CAMTA1: variants seen among roughly 807,000 people sequenced by gnomAD.
The protein encoded by CAMTA1 is calmodulin binding transcription activator 1.
CAMTA1 carries 27 observed loss-of-function variants against 170.9 expected under a neutral mutation model. That is an observed-to-expected ratio of 0.16 (90% CI 0.12 to 0.22). CAMTA1 has a LOEUF of 0.22. CAMTA1 is among the 10% of genes least tolerant of loss of function. The pLI is 1.00. For synonymous variants in CAMTA1, 833 were observed against 891.5 expected (o/e 0.93, Z 1.17); for missense variants, 1,619 against 2,217.2 (o/e 0.73, Z 5.42).
intron 7 of CAMTA1, among the ~76,000 whole-genome samples, chr1:7,658,518 GC>G (rs2095925573): frequency 6.6e-6 from 1 of 152,186 alleles, no homozygotes. Flanking sequence ...CACTGCCTGT[GC>G]AGCGGTACAG....
intron 3 of CAMTA1, among the ~76,000 whole-genome samples, chr1:7,016,648 A>G (rs1700576139): frequency 6.6e-6 from 1 of 152,336 alleles, no homozygotes; most frequent in East Asian, 1.9e-4. Context: ...AGCCTGGCTA[A>G]CATGGGGAAA....
intron 3 of CAMTA1, among the ~76,000 whole-genome samples, chr1:6,953,208 A>G (rs922580803): frequency 2.2e-4 from 33 of 152,144 alleles, no homozygotes; most frequent in African/African-American, 7.7e-4. Flanking sequence ...GGGATTCAGT[A>G]TAGATTCCAT....
intron 1 of CAMTA1, among the ~76,000 whole-genome samples, chr1:6,800,018 G>A (rs1643513773): frequency 6.6e-6 from 1 of 152,096 alleles, no homozygotes; most frequent in Admixed American, 6.5e-5. Flanking sequence ...CTGTATGGGG[G>A]GATTTGAACT....
In CAMTA1 at chr1:7,570,884, G is replaced by A. The variant is rs115886069; in HGVS notation, c.511-69516G>A. Among the ~76,000 whole-genome samples the A allele has an allele frequency of 5.8e-3, 885 of 152,334 alleles. 8 individuals carry two copies. The highest frequency in any genetic ancestry group is 0.02 in the African/African-American group (847 of 41,566). On this transcript the variant is annotated intron_variant, in intron 6 of 22. Coordinates refer to ENST00000303635, the MANE Select transcript of CAMTA1 (RefSeq NM_015215.4). The surrounding 1 kb of genome is among the most constrained non-coding windows in gnomAD (Gnocchi z 4.3). ...CTGGCCTCCCCCATGAACCAGCTGG[G>A]TGATGTCAGGAGGCTCCTTAACCAC...
In CAMTA1 at chr1:7,230,432, A is replaced by ACCCCCCCCCCCCCCCCCC. The variant is rs66934266; in HGVS notation, c.303-19047_303-19046insCCCCCCCCCCCCCCCCCC. On this transcript the variant is annotated intron_variant, in intron 4 of 22. Transcript: ENST00000303635. ...TTGGCTGGGCTGCTGCTCTGGGCTG[A>ACCCCCCCCCCCCCCCCCC]CCCCCCCCCCCCGCCCCGCAAAGCT... Among the ~76,000 whole-genome samples, 6 of 38,248 alleles carry ACCCCCCCCCCCCCCCCCC rather than the reference A, an allele frequency of 1.6e-4. 1 individual carries two copies. Among genetic ancestry groups the ACCCCCCCCCCCCCCCCCC allele is most frequent in the African/African-American group, 6.8e-4 (4 of 5,860 alleles). 25.1% of individuals were successfully genotyped at this position (38,248 alleles called of 152,430 possible).
rs182390265 is a variant in CAMTA1 at position 7,149,900 on chromosome 1, G to A, written c.302+58529G>A. Among the ~76,000 whole-genome samples the A allele has an allele frequency of 5.9e-5, 9 of 152,350 alleles. No individual in the cohort carries two copies. The East Asian group carries it at 1.7e-3, about 29-fold the overall frequency. ...AATAAAACTCCTGATAACGATTCACGAATCCTGGCAGCCCTGCCTTCCTTG... is the reference window on the plus strand; with the variant it reads ...AATAAAACTCCTGATAACGATTCACAAATCCTGGCAGCCCTGCCTTCCTTG... On this transcript the variant is annotated intron_variant, in intron 4 of 22. Transcript: ENST00000303635.
rs1248361332 is a variant in CAMTA1, at chr1:6,871,764, G to C, written c.234+46554G>C. ...AGCTCCTTTGTTTTGCAGAGATCAT[G>C]ATGCAGCCGTCCTTTTGGATTTCTT... On this transcript the variant is annotated intron_variant, in intron 3 of 22. Transcript: ENST00000303635. 5 of 1,534,888 alleles carry C rather than the reference G, an allele frequency of 3.3e-6. No homozygotes were observed. The East Asian group carries it at 9.8e-5, about 30-fold the overall frequency.
chr1:7,200,138 A>G (rs181643658), intron 4 of CAMTA1, among the ~76,000 whole-genome samples: 541 of 152,316 alleles, frequency 3.6e-3, no homozygotes, highest in African/African-American at 0.013. Flanking sequence ...ACATTTCACT[A>G]TATATACTTA....
At chr1:6,843,996 T>G (rs1440224246) in intron 3 of CAMTA1, among the ~76,000 whole-genome samples, 1 of 152,156 alleles carries the variant, frequency 6.6e-6, no homozygotes, top group Non-Finnish European at 1.5e-5. Context: ...AGTGGAAGAT[T>G]TGCACACCAT....
chr1:6,830,822 T>C (rs1167723060), intron 3 of CAMTA1, among the ~76,000 whole-genome samples: 3 of 151,664 alleles, frequency 2.0e-5, no homozygotes, highest in Admixed American at 2.0e-4. Flanking sequence ...TTTGTTTGTT[T>C]TGTTTTGTTT....
At chr1:7,622,934 C>T (rs967287333) in intron 6 of CAMTA1, among the ~76,000 whole-genome samples, 2 of 152,174 alleles carry the variant, frequency 1.3e-5, no homozygotes, top group African/African-American at 4.8e-5. Flanking sequence ...CCTGTGAGCC[C>T]GAGTCTGTCC....
chr1:7,391,835 C>T (rs912879336), intron 5 of CAMTA1, among the ~76,000 whole-genome samples: 1 of 152,176 alleles, frequency 6.6e-6, no homozygotes, highest in African/African-American at 2.4e-5. Context: ...TTGCATGTAT[C>T]AGTACTTCCT....
intron 11 of CAMTA1, among the ~76,000 whole-genome samples, chr1:7,702,675 T>G (rs2096454559): frequency 6.6e-6 from 1 of 152,196 alleles, no homozygotes; most frequent in African/African-American, 2.4e-5. Context: ...GAAAAACAAC[T>G]AACTTCTAGA....
intron 11 of CAMTA1, among the ~76,000 whole-genome samples, chr1:7,718,091 G>T (rs1039963650): frequency 1.6e-4 from 24 of 152,046 alleles, no homozygotes; most frequent in African/African-American, 5.3e-4. Context: ...GGTGACAAAG[G>T]CTCATATCGT....
At chr1:7,026,006 G>T (rs1017935067) in intron 3 of CAMTA1, among the ~76,000 whole-genome samples, 1 of 152,100 alleles carries the variant, frequency 6.6e-6, no homozygotes, top group Admixed American at 6.5e-5. Context: ...TGTGGTCCCA[G>T]GTACTTGGGA....
intron 5 of CAMTA1, among the ~76,000 whole-genome samples, chr1:7,335,475 G>A (rs545750619): frequency 6.4e-4 from 98 of 152,282 alleles, no homozygotes; most frequent in South Asian, 5.2e-3. Context: ...GAGTGATCTC[G>A]GCCCTGAACA....
At chr1:7,307,597 C>T (rs2149588977) in intron 5 of CAMTA1, among the ~76,000 whole-genome samples, 1 of 152,090 alleles carries the variant, frequency 6.6e-6, no homozygotes, top group Middle Eastern at 3.4e-3. Context: ...TGCCCTTCAT[C>T]TGGTTGAGAA....
At chr1:7,318,228 GAGGCACTGAGC>G (rs6143105) in intron 5 of CAMTA1, among the ~76,000 whole-genome samples, 54,138 of 151,992 alleles carry the variant, frequency 0.36, 10,015 homozygotes, top group Middle Eastern at 0.54. Flanking sequence ...CAAACACAGG[GAGGCACTGAGC>G]AGTGGCAGGT....
chr1:7,641,458 G>A lies in CAMTA1; in HGVS notation c.664+905G>A, dbSNP rs2095760223. Among the ~76,000 whole-genome samples, 1 of 152,202 alleles carries A rather than the reference G, an allele frequency of 6.6e-6. No individual in the cohort carries two copies. Among genetic ancestry groups the A allele is most frequent in the Admixed American group, 6.5e-5 (1 of 15,292 alleles). On this transcript the variant is annotated intron_variant, in intron 7 of 22. Coordinates refer to ENST00000303635, the MANE Select transcript of CAMTA1 (RefSeq NM_015215.4). This position sits in a 1 kb window ranked among gnomAD's most constrained non-coding sequence, Gnocchi z 4.5. Reference sequence around the variant, plus strand: ...AGCTGTTGGTCACCATATACAGCGGGGGGACTGAAATATTCTTTCTGCGGC... The same window carrying A: ...AGCTGTTGGTCACCATATACAGCGGAGGGACTGAAATATTCTTTCTGCGGC...
Sources: gnomAD v4.1 joint callset for allele counts (sites outside exome capture counted in the v4.1 genomes callset) on GRCh38, gnomAD v4.1.1 for gene constraint, Gnocchi (gnomAD v3.1) non-coding constraint, MANE v1.5 for transcripts, NCBI Gene and HGNC (gene_info 2026-07-23, HGNC 2026-07-21) for gene names.